The following TMEM106B variants were observed in gnomAD, a reference collection of about 807,000 sequenced individuals.
TMEM106B encodes the protein transmembrane protein 106B.
In TMEM106B, 15 loss-of-function variants were observed where a neutral mutation model predicts 31.1. That is an observed-to-expected ratio of 0.48 (90% CI 0.32 to 0.74). The LOEUF is 0.74. Among genes scored for constraint, TMEM106B ranks in the 30% least tolerant of loss-of-function variants. The probability of loss-of-function intolerance (pLI) is 0.03; values close to 1 mark genes in which losing one functional copy is unlikely to be tolerated. For synonymous variants in TMEM106B, 126 were observed against 112.5 expected (o/e 1.12, Z -0.76); for missense variants, 283 against 327.3 (o/e 0.86, Z 1.04).
intron 2 of TMEM106B, among the ~76,000 whole-genome samples, chr7:12,215,304 CT>C (rs1245843127): frequency 6.6e-6 from 1 of 151,994 alleles, no homozygotes. Flanking sequence ...TAAATGAAAA[CT>C]TTTAGTCCTA....
Position 12,218,276 on chromosome 7 carries a change from G to GA in TMEM106B, c.218-176dup, listed in dbSNP as rs527970625. 1.0e-4 allele frequency among the ~76,000 whole-genome samples: 15 copies of GA among 146,790 alleles called. No individual in the cohort carries two copies. In the East Asian group the frequency reaches 3.0e-3, roughly 29 times the overall value. ...TTTTTTTAGCTAGACATTTACGTGT[G>GA]AAAAAACACGCTGTCTTCTCTAGAA... On this transcript the variant is annotated intron_variant, in intron 2 of 7. Transcript: ENST00000396668.
At chr7:12,226,133 C>T (rs954191148) in intron 4 of TMEM106B, among the ~76,000 whole-genome samples, 1 of 88,736 alleles carries the variant, frequency 1.1e-5, no homozygotes, top group African/African-American at 6.8e-5. Flanking sequence ...ATAGGGAATC[C>T]TTTCCCCATT....
Position 12,241,724 on chromosome 7 carries a change from G to A in TMEM106B, c.*9749G>A, listed in dbSNP as rs1267107449. The A allele has an allele frequency of 6.6e-6, 1 of 152,124 alleles. No individual in the cohort carries two copies. The highest frequency in any genetic ancestry group is 2.4e-5 in the African/African-American group (1 of 41,416). 9.4% of individuals were successfully genotyped at this position (152,124 alleles called of 1,614,324 possible). A position where few individuals can be genotyped will look rare whatever the true frequency, so the allele number is the denominator to read the frequency against. On this transcript the variant is annotated 3_prime_UTR_variant, in exon 8 of 8. Coordinates refer to ENST00000396668, the MANE Select transcript of TMEM106B (RefSeq NM_001134232.2). ...CTGCAATAAACATATGTGTGTATGT[G>A]TCTTTACAGTAAAATGATTTATAAT...
intron 4 of TMEM106B, among the ~76,000 whole-genome samples, chr7:12,224,588 C>T (rs1384672806): frequency 2.0e-5 from 3 of 151,664 alleles, no homozygotes; most frequent in Non-Finnish European, 4.4e-5. Flanking sequence ...TCTGTATATA[C>T]AGAATGATTT....
At position 12,240,488 on chromosome 7, in the gene TMEM106B, T is replaced by C. The variant is rs1265752747; in HGVS notation, c.*8513T>C. 6.6e-6 allele frequency: 1 copy of C among 152,226 alleles called. No homozygotes were observed. Among genetic ancestry groups the C allele is most frequent in the East Asian group, 1.9e-4 (1 of 5,198 alleles). The allele number at this position is 152,226 out of a possible 1,614,324, so 9.4% of individuals were successfully genotyped here. A position where few individuals can be genotyped will look rare whatever the true frequency, so the allele number is the denominator to read the frequency against. On this transcript the variant is annotated 3_prime_UTR_variant, in exon 8 of 8. Coordinates refer to ENST00000396668, the MANE Select transcript of TMEM106B (RefSeq NM_001134232.2). ...ACAATTTTTGTCAGCTTAGAGGTTGTGTTTTAATTACTATTTTTAAAATCT... is the reference window on the plus strand; with the variant it reads ...ACAATTTTTGTCAGCTTAGAGGTTGCGTTTTAATTACTATTTTTAAAATCT...
At chr7:12,230,250 T>C (rs1312534971) in intron 5 of TMEM106B, 139 bp from the exon 6 acceptor site, 3 of 722,372 alleles carry the variant, frequency 4.2e-6, no homozygotes, top group South Asian at 1.5e-5. Flanking sequence ...ATGTGTCTTA[T>C]ACACATACAA....
At chr7:12,214,538 T>C (rs1472220838) in intron 1 of TMEM106B, 1 of 392,736 alleles carries the variant, frequency 2.5e-6, no homozygotes, top group Non-Finnish European at 4.6e-6. Flanking sequence ...ACCTTACATC[T>C]ATTGATTTAT....
At position 12,232,156 on chromosome 7, in the gene TMEM106B, A is replaced by G. The variant is rs1013942210; in HGVS notation, c.*181A>G. On this transcript the variant is annotated 3_prime_UTR_variant, in exon 8 of 8. Coordinates refer to ENST00000396668, the MANE Select transcript of TMEM106B (RefSeq NM_001134232.2). The stretch of plus-strand genomic sequence containing the variant: ...TAACTCTCCACTCTGTGTTAATGAT[A>G]TATTTGTACTAGGATCTTTTACTTG... 6.5e-6 allele frequency: 3 copies of G among 463,990 alleles called. No homozygotes were observed. The highest frequency in any genetic ancestry group is 3.9e-5 in the African/African-American group (2 of 51,610). The allele number at this position is 463,990 out of a possible 1,614,324, so 28.7% of individuals were successfully genotyped here. A position where few individuals can be genotyped will look rare whatever the true frequency, so the allele number is the denominator to read the frequency against.
In TMEM106B at chr7:12,235,741, A is replaced by T. The variant is rs529686577; in HGVS notation, c.*3766A>T. The T allele has an allele frequency of 6.6e-6, 1 of 151,868 alleles. No individual in the cohort carries two copies. The highest frequency in any genetic ancestry group is 1.9e-4 in the East Asian group (1 of 5,190). The allele number at this position is 151,868 out of a possible 1,614,324, so 9.4% of individuals were successfully genotyped here. A position where few individuals can be genotyped will look rare whatever the true frequency, so the allele number is the denominator to read the frequency against. The stretch of plus-strand genomic sequence containing the variant: ...ATAATTATATTTTATTTAAGAAAAT[A>T]GTTTGTTAGGTACTTTTTAAAAGAT... On this transcript the variant is annotated 3_prime_UTR_variant, in exon 8 of 8. Coordinates refer to ENST00000396668, the MANE Select transcript of TMEM106B (RefSeq NM_001134232.2).
chr7:12,227,279 G>A (rs949520998), intron 4 of TMEM106B, among the ~76,000 whole-genome samples: 4 of 151,956 alleles, frequency 2.6e-5, no homozygotes, highest in Non-Finnish European at 5.9e-5. Flanking sequence ...GTATATATTA[G>A]TAGTACTACT....
At chr7:12,223,961 C>T (rs10950394) in intron 3 of TMEM106B, among the ~76,000 whole-genome samples, 76,913 of 151,792 alleles carry the variant, frequency 0.51, 20,520 homozygotes, top group African/African-American at 0.66. Context: ...CCTCTTGATA[C>T]GCCCGCCTCA....
rs1290092339 is a variant in TMEM106B, at chr7:12,224,290, C to T, written c.346C>T (p.Leu116Phe). The change falls in exon 4 of 8, where the codon CTT becomes TTT. Residue 116 changes from leucine (L) to phenylalanine (F), a missense_variant. By Grantham distance (22) the Leu-to-Phe change is conservative (BLOSUM62 0). Coordinates refer to ENST00000396668, the MANE Select transcript of TMEM106B (RefSeq NM_001134232.2). ...CCTTTCTGGATTGGCTGTGTTTTTC[C>T]TTTTCCCTCGCTCTATCGACGTGAA... ...LLLSGLAVFF[L>F]FPRSIDVKYI... 6.2e-6 allele frequency: 10 copies of T among 1,613,830 alleles called. No homozygotes were observed. The highest frequency in any genetic ancestry group is 1.3e-5 in the African/African-American group (1 of 74,888).
At chr7:12,225,148 TAGAATGATGGTTTCC>T (rs1236555309) in intron 4 of TMEM106B, among the ~76,000 whole-genome samples, 6 of 152,212 alleles carry the variant, frequency 3.9e-5, no homozygotes, top group African/African-American at 1.4e-4. Context: ...ATAGTTTGCT[TAGAATGATGGTTTCC>T]AGCTTCATCC....
chr7:12,227,557 A>C (rs78536513), intron 4 of TMEM106B, among the ~76,000 whole-genome samples: 2,043 of 139,288 alleles, frequency 0.015, 49 homozygotes, highest in African/African-American at 0.05. Flanking sequence ...AGTCTTTTAC[A>C]TGATCATATT....
chr7:12,216,305 A>G (rs1314621466), intron 2 of TMEM106B, among the ~76,000 whole-genome samples: 1 of 152,208 alleles, frequency 6.6e-6, no homozygotes, highest in South Asian at 2.1e-4. Flanking sequence ...GTAGGAAATC[A>G]AGGATGACTC....
rs1782155854 is a variant in TMEM106B, at chr7:12,237,215, A to AT, written c.*5243dup. On this transcript the variant is annotated 3_prime_UTR_variant, in exon 8 of 8. Transcript: ENST00000396668. ...TTGTAGTTGTGTATGACGCAATAAA[A>AT]TTTGTAAAAAAATTTCAGCATGAAA... 6.6e-6 allele frequency: 1 copy of AT among 152,148 alleles called. No individual in the cohort carries two copies. Among genetic ancestry groups the AT allele is most frequent in the South Asian group, 2.1e-4 (1 of 4,830 alleles). The allele number at this position is 152,148 out of a possible 1,614,324, so 9.4% of individuals were successfully genotyped here.
rs936076267 is a variant in TMEM106B, at chr7:12,233,510, C to A, written c.*1535C>A. The A allele has an allele frequency of 2.0e-5, 3 of 151,206 alleles. No individual in the cohort carries two copies. The highest frequency in any genetic ancestry group is 1.5e-5 in the Non-Finnish European group (1 of 67,554). 9.4% of individuals were successfully genotyped at this position (151,206 alleles called of 1,614,324 possible). A position where few individuals can be genotyped will look rare whatever the true frequency, so the allele number is the denominator to read the frequency against. On this transcript the variant is annotated 3_prime_UTR_variant, in exon 8 of 8. Transcript: ENST00000396668. Reference sequence around the variant, plus strand: ...CACACTCAGGTTTCCCCTTAATTTTCATATTATTTTCTGCAAGTTTTCTTG... The same window carrying A: ...CACACTCAGGTTTCCCCTTAATTTTAATATTATTTTCTGCAAGTTTTCTTG...
intron 2 of TMEM106B, chr7:12,215,703 C>T: frequency 3.8e-6 from 1 of 265,880 alleles, no homozygotes; most frequent in Non-Finnish European, 8.4e-6. Context: ...CAGCTGTGAG[C>T]CACCACGCCT....
intron 4 of TMEM106B, among the ~76,000 whole-genome samples, chr7:12,226,363 G>T (rs181015882): frequency 2.6e-5 from 4 of 152,136 alleles, no homozygotes; most frequent in African/African-American, 9.7e-5. Flanking sequence ...TGAAAGGACC[G>T]TGTAGCCTTG....
Sources: gnomAD v4.1 joint callset for allele counts (sites outside exome capture counted in the v4.1 genomes callset) on GRCh38, gnomAD v4.1.1 for gene constraint, MANE v1.5 for transcripts, NCBI Gene and HGNC (gene_info 2026-07-23, HGNC 2026-07-21) for gene names.